TNRC6B: variants seen among roughly 807,000 people sequenced by gnomAD.
TNRC6B encodes the protein trinucleotide repeat containing adaptor 6B, also known as trinucleotide repeat-containing gene 6B protein.
Under a neutral mutation model 203.6 loss-of-function variants are expected in TNRC6B, and 52 were observed. The observed-to-expected ratio is 0.26, with a 90% CI of 0.20 to 0.32. TNRC6B has a LOEUF of 0.32. TNRC6B is among the 10% of genes least tolerant of loss of function. The probability of loss-of-function intolerance (pLI) is 1.00; values close to 1 mark genes in which losing one functional copy is unlikely to be tolerated. For synonymous variants in TNRC6B, 838 were observed against 845.7 expected (o/e 0.99, Z 0.16); for missense variants, 1,923 against 2,286.2 (o/e 0.84, Z 3.24).
intron 22 of TNRC6B, 70 bp from the exon 23 acceptor site, chr22:40,322,784 G>A (rs2071352280): frequency 1.3e-6 from 2 of 1,570,986 alleles, no homozygotes; most frequent in East Asian, 2.2e-5. Flanking sequence ...GTCAAGGACT[G>A]CAGTCGCTCC....
chr22:40,127,170 C>T (rs2068500918), intron 3 of TNRC6B, among the ~76,000 whole-genome samples: 1 of 151,884 alleles, frequency 6.6e-6, no homozygotes, highest in African/African-American at 2.4e-5. Flanking sequence ...CTTTTACTTC[C>T]CTCTCTGTCC....
intron 8 of TNRC6B, among the ~76,000 whole-genome samples, 192 bp downstream of exon 8, chr22:40,277,343 G>A (rs559278233): frequency 6.6e-6 from 1 of 152,232 alleles, no homozygotes; most frequent in South Asian, 2.1e-4. Context: ...AACATTTAAA[G>A]GTTATGGCTT....
chr22:40,232,656 A>G (rs904677112), intron 1 of TNRC6B, among the ~76,000 whole-genome samples: 1 of 152,196 alleles, frequency 6.6e-6, no homozygotes, highest in African/African-American at 2.4e-5. Context: ...TGCGGGGAAA[A>G]AGCTTTCAAA....
Position 40,264,914 on chromosome 22 carries a change from G to C in TNRC6B, c.684G>C (p.Lys228Asn), listed in dbSNP as rs1381181559. 6 of 1,613,754 alleles carry C rather than the reference G, an allele frequency of 3.7e-6. No individual in the cohort carries two copies. The highest frequency in any genetic ancestry group is 5.1e-6 in the Non-Finnish European group (6 of 1,179,868). The change falls in exon 5 of 23, where the codon AAG (lysine) becomes AAC (asparagine). Residue 228 changes from lysine to asparagine, a missense_variant. This residue lies in a region of TNRC6B where 614 missense variants were observed against 587.7 expected (regional missense o/e 1.04). Coordinates refer to ENST00000454349, the MANE Select transcript of TNRC6B (RefSeq NM_001162501.2). Reference sequence around the variant, plus strand: ...GTGCCTCGAACCCTGGCTCTGAGAAGAGCACTCTGCCAGGAAGCACCACTA... The same window carrying C: ...GTGCCTCGAACCCTGGCTCTGAGAACAGCACTCTGCCAGGAAGCACCACTA... ...NNSASNPGSE[K>N]STLPGSTTSN...
At chr22:40,114,149 G>T (rs547273837) in intron 1 of TNRC6B, among the ~76,000 whole-genome samples, 32 of 152,026 alleles carry the variant, frequency 2.1e-4, no homozygotes, top group Non-Finnish European at 4.3e-4. Flanking sequence ...AGTCAAGTTT[G>T]AAAATTAAAA....
chr22:40,222,016 C>T (rs549632700), intron 1 of TNRC6B, among the ~76,000 whole-genome samples: 25 of 152,258 alleles, frequency 1.6e-4, no homozygotes, highest in African/African-American at 6.0e-4. Flanking sequence ...GGATGACTTA[C>T]ATCTAACTCA....
Position 40,328,910 on chromosome 22 carries a change from A to G in TNRC6B, c.*5669A>G, listed in dbSNP as rs1378316272. 6.6e-6 allele frequency: 1 copy of G among 152,494 alleles called. No homozygotes were observed. The highest frequency in any genetic ancestry group is 1.5e-5 in the Non-Finnish European group (1 of 68,018). 9.4% of individuals were successfully genotyped at this position (152,494 alleles called of 1,614,324 possible). A position where few individuals can be genotyped will look rare whatever the true frequency, so the allele number is the denominator to read the frequency against. ...AGTATCTATAAGATCTTTAGAAGTG[A>G]GATAAATTTTTCGCTGGTTAAAAAA... On this transcript the variant is annotated 3_prime_UTR_variant, in exon 23 of 23. Coordinates refer to ENST00000454349, the MANE Select transcript of TNRC6B (RefSeq NM_001162501.2).
chr22:40,258,373 C>T (rs929539170), intron 3 of TNRC6B, among the ~76,000 whole-genome samples: 11 of 152,168 alleles, frequency 7.2e-5, no homozygotes, highest in Non-Finnish European at 1.3e-4. Flanking sequence ...TAAGTTTGGA[C>T]TTTGGGAGTC....
At chr22:40,272,322 C>T (rs1208807691) in intron 6 of TNRC6B, among the ~76,000 whole-genome samples, 1 of 152,106 alleles carries the variant, frequency 6.6e-6, no homozygotes, top group African/African-American at 2.4e-5. Context: ...TGAGATGCTA[C>T]AGTTAGAAGA....
intron 19 of TNRC6B, 116 bp from the exon 20 acceptor site, chr22:40,315,163 ATTAC>A: frequency 2.6e-6 from 2 of 781,992 alleles, no homozygotes; most frequent in East Asian, 2.7e-5. Flanking sequence ...AATGTGTACT[ATTAC>A]TTTTTAGAAT....
intron 1 of TNRC6B, among the ~76,000 whole-genome samples, chr22:40,099,135 A>C (rs9611263): frequency 0.22 from 33,832 of 151,722 alleles, 4,127 homozygotes; most frequent in South Asian, 0.31. Context: ...CTGTAATCCC[A>C]GCTACTCATG....
rs1302588658 is a variant in TNRC6B, at chr22:40,100,062, TTTTTATTATTTA to T, written c.-120-16989_-120-16978del. ...CACTGCGCCTGGCCCCTCCATTTTA[TTTTTATTATTTA>T]TTTATTTATTTATTTATTTATTTAT... is the stretch of plus-strand genomic sequence containing the variant. On this transcript the variant is annotated intron_variant, in intron 1 of 23. Transcript: ENST00000301923. Among the ~76,000 whole-genome samples the T allele has an allele frequency of 1.1e-3, 155 of 139,378 alleles. 2 individuals carry two copies. The South Asian group carries it at 0.02, about 18-fold the overall frequency. The allele number at this position is 139,378 out of a possible 152,430, so 91.4% of individuals were successfully genotyped here. A position where few individuals can be genotyped will look rare whatever the true frequency, so the allele number is the denominator to read the frequency against.
At chr22:40,238,318 C>T (rs2069976390) in intron 1 of TNRC6B, among the ~76,000 whole-genome samples, 1 of 152,096 alleles carries the variant, frequency 6.6e-6, no homozygotes, top group Non-Finnish European at 1.5e-5. Flanking sequence ...AGGAGAGAGG[C>T]GGGCCTCCTG....
chr22:40,163,767 CAAAA>C (rs1031984200), intron 4 of TNRC6B, among the ~76,000 whole-genome samples: 30 of 151,478 alleles, frequency 2.0e-4, no homozygotes, highest in Non-Finnish European at 2.8e-4. Context: ...GTCTCAAAAA[CAAAA>C]AGAAAGAAAA....
chr22:40,206,932 A>G (rs1239100807), intron 1 of TNRC6B, among the ~76,000 whole-genome samples: 1 of 152,198 alleles, frequency 6.6e-6, no homozygotes, highest in Non-Finnish European at 1.5e-5. Context: ...TGAATGGCTT[A>G]AAACATCGGA....
In TNRC6B at chr22:40,329,505, C is replaced by T. The variant is rs897435281; in HGVS notation, c.*6264C>T. On this transcript the variant is annotated 3_prime_UTR_variant, in exon 23 of 23. Coordinates refer to ENST00000454349, the MANE Select transcript of TNRC6B (RefSeq NM_001162501.2). ...TTAGATTTGAAATAATTATCAGCTC[C>T]AAGAATCTGTGAACATAGTAATAAC... 1 of 152,018 alleles carries T rather than the reference C, an allele frequency of 6.6e-6. No individual in the cohort carries two copies. Among genetic ancestry groups the T allele is most frequent in the Admixed American group, 6.5e-5 (1 of 15,270 alleles). The allele number at this position is 152,018 out of a possible 1,614,324, so 9.4% of individuals were successfully genotyped here.
intron 1 of TNRC6B, among the ~76,000 whole-genome samples, chr22:40,100,253 A>AT (rs1194070992): frequency 2.0e-5 from 3 of 150,972 alleles, no homozygotes; most frequent in South Asian, 4.2e-4. Flanking sequence ...CACCCAGCTA[A>AT]TTTTTTTTGT....
At chr22:40,241,000 G>A (rs1347662850) in intron 1 of TNRC6B, among the ~76,000 whole-genome samples, 1 of 152,130 alleles carries the variant, frequency 6.6e-6, no homozygotes, top group African/African-American at 2.4e-5. Flanking sequence ...AGAATTTAGA[G>A]CAGTTTCTCA....
intron 1 of TNRC6B, among the ~76,000 whole-genome samples, chr22:40,239,314 G>A (rs1180231926): frequency 2.0e-5 from 3 of 152,318 alleles, no homozygotes; most frequent in South Asian, 2.1e-4. Context: ...TGTGCCTTCC[G>A]GTCTGTGCCT....
Sources: allele counts gnomAD v4.1 joint callset (sites outside exome capture counted in the v4.1 genomes callset), GRCh38; gene constraint gnomAD v4.1.1; regional missense constraint gnomAD v4.1.1; transcripts MANE v1.5; gene names NCBI Gene and HGNC (gene_info 2026-07-23, HGNC 2026-07-21).